The following PTDSS1 variants were observed in gnomAD, a reference collection of about 807,000 sequenced individuals.
PTDSS1 encodes the protein phosphatidylserine synthase 1.
A neutral mutation model predicts 70.5 loss-of-function variants in PTDSS1; 45 were observed. That is an observed-to-expected ratio of 0.64 (90% CI 0.50 to 0.82). The LOEUF is 0.82. Ranked by LOEUF, PTDSS1 falls within the 40% of genes least tolerant of loss-of-function variation. The pLI is 0.00. For synonymous variants in PTDSS1, 188 were observed against 203.8 expected (o/e 0.92, Z 0.66); for missense variants, 417 against 586.1 (o/e 0.71, Z 2.98).
Position 96,304,047 on chromosome 8 carries a change from C to T in PTDSS1, c.760C>T (p.His254Tyr), listed in dbSNP as rs763273749. The change falls in exon 7 of 13, where the codon CAT becomes TAT. Residue 254 changes from histidine to tyrosine, a missense_variant. By Grantham distance (83) the His-to-Tyr change is moderately conservative. Around this residue, in one of 3 missense-constraint regions of PTDSS1, gnomAD observed 272 missense variants for 429.5 expected, o/e 0.63. Coordinates refer to ENST00000517309, the MANE Select transcript of PTDSS1 (RefSeq NM_014754.3). ...TYHWASFKDI[H>Y]TTTGKIKRAV... Reference sequence around the variant, plus strand: ...GCCATTCTCTTCTTACAGGGACATTCATACCACCACCGGGAAGATCAAGAG... The same window carrying T: ...GCCATTCTCTTCTTACAGGGACATTTATACCACCACCGGGAAGATCAAGAG... 8 of 1,608,374 alleles carry T rather than the reference C, an allele frequency of 5.0e-6. No individual in the cohort carries two copies. Among genetic ancestry groups the T allele is most frequent in the Admixed American group, 1.7e-5 (1 of 58,308 alleles).
chr8:96,326,908 G>A (rs534383197), intron 10 of PTDSS1, among the ~76,000 whole-genome samples: 2 of 152,188 alleles, frequency 1.3e-5, no homozygotes, highest in Non-Finnish European at 2.9e-5. Context: ...GTTGTTTAAG[G>A]AATGTGCTCA....
At chr8:96,307,735 A>G (rs1811146303) in intron 8 of PTDSS1, among the ~76,000 whole-genome samples, 1 of 152,178 alleles carries the variant, frequency 6.6e-6, no homozygotes, top group Non-Finnish European at 1.5e-5. Flanking sequence ...GGAAAGATTT[A>G]CCGCAGCTCT....
chr8:96,309,432 A>G, intron 8 of PTDSS1, 125 bp from the exon 9 acceptor site: 1 of 767,884 alleles, frequency 1.3e-6, no homozygotes, highest in Non-Finnish European at 2.2e-6. Flanking sequence ...CTTGAACAGA[A>G]CTAGACCAGG....
At position 96,288,157 on chromosome 8, in the gene PTDSS1, A is replaced by G. The variant is rs181222258; in HGVS notation, c.441+1011A>G. ...AGGACATGATAAAGGATACAGGTGA[A>G]TGGCCAGATGGAGAGGTACCTAGGG... is the stretch of plus-strand genomic sequence containing the variant. On this transcript the variant is annotated intron_variant, in intron 4 of 12. Coordinates refer to ENST00000517309, the MANE Select transcript of PTDSS1 (RefSeq NM_014754.3). Among the ~76,000 whole-genome samples, 5 of 152,148 alleles carry G rather than the reference A, an allele frequency of 3.3e-5. No individual in the cohort carries two copies. The East Asian group carries it at 7.7e-4, about 24-fold the overall frequency.
In PTDSS1 at chr8:96,291,693, C is replaced by T. The variant is rs1810907089; in HGVS notation, c.442-3405C>T. Reference sequence around the variant, plus strand: ...ACATTGCTTATTCTATAGGGTTTTTCACATCTGGATTTTGCAGCTGCATTT... The same window carrying T: ...ACATTGCTTATTCTATAGGGTTTTTTACATCTGGATTTTGCAGCTGCATTT... On this transcript the variant is annotated intron_variant, in intron 4 of 12. Transcript: ENST00000517309. Among the ~76,000 whole-genome samples the T allele has an allele frequency of 2.6e-5, 4 of 152,238 alleles. No homozygotes were observed. In the South Asian group the frequency reaches 8.3e-4, roughly 32 times the overall value.
chr8:96,330,125 G>C lies in PTDSS1; in HGVS notation c.1174-88G>C, dbSNP rs1274043300. On this transcript the variant is annotated intron_variant, in intron 10 of 12. Coordinates refer to ENST00000517309, the MANE Select transcript of PTDSS1 (RefSeq NM_014754.3). ...GGCGTCCAGACGGCAGAAATGCATT[G>C]AACGGTCCTGCATTGATTCCCACTG... The C allele has an allele frequency of 2.6e-5, 33 of 1,272,008 alleles. No individual in the cohort carries two copies. In the East Asian group the frequency reaches 7.2e-4, roughly 28 times the overall value. The allele number at this position is 1,272,008 out of a possible 1,614,324, so 78.8% of individuals were successfully genotyped here.
At chr8:96,309,363 C>T in intron 8 of PTDSS1, 194 bp from the exon 9 acceptor site, 1 of 490,562 alleles carries the variant, frequency 2.0e-6, no homozygotes. Context: ...TGCCTCCAGC[C>T]TAACCCAAAC....
intron 4 of PTDSS1, among the ~76,000 whole-genome samples, chr8:96,290,081 GGGGAGGAGAT>G (rs1810881021): frequency 6.6e-6 from 1 of 152,134 alleles, no homozygotes; most frequent in East Asian, 1.9e-4. Context: ...CCATTTTACA[GGGGAGGAGAT>G]GGAAGCTTAA....
chr8:96,332,099 T>C (rs1343941402), intron 12 of PTDSS1, among the ~76,000 whole-genome samples: 1 of 149,188 alleles, frequency 6.7e-6, no homozygotes, highest in Non-Finnish European at 1.5e-5. Context: ...ATCATTTTAA[T>C]GGCATTTATT....
At chr8:96,271,668 T>C (rs1469462507) in intron 1 of PTDSS1, among the ~76,000 whole-genome samples, 1 of 152,222 alleles carries the variant, frequency 6.6e-6, no homozygotes, top group African/African-American at 2.4e-5. Context: ...ACCAGCAATG[T>C]ATGAGCATGC....
chr8:96,335,286 A>G lies in PTDSS1; in HGVS notation c.*1720A>G, dbSNP rs1286334556. 6.6e-6 allele frequency: 1 copy of G among 152,238 alleles called. No individual in the cohort carries two copies. The highest frequency in any genetic ancestry group is 6.5e-5 in the Admixed American group (1 of 15,294). The allele number at this position is 152,238 out of a possible 1,614,324, so 9.4% of individuals were successfully genotyped here. A position where few individuals can be genotyped will look rare whatever the true frequency, so the allele number is the denominator to read the frequency against. ...TTTTAAACACAGGTACAATTTAAACATGATCTTTCTTTGCAAATAAATATG... is the reference window on the plus strand; with the variant it reads ...TTTTAAACACAGGTACAATTTAAACGTGATCTTTCTTTGCAAATAAATATG... On this transcript the variant is annotated 3_prime_UTR_variant, in exon 13 of 13. Transcript: ENST00000517309.
intron 8 of PTDSS1, among the ~76,000 whole-genome samples, 177 bp downstream of exon 8, chr8:96,306,733 C>A (rs893996693): frequency 1.3e-5 from 2 of 152,158 alleles, no homozygotes; most frequent in Non-Finnish European, 2.9e-5. Context: ...TAACATTAAC[C>A]AGACATTTAA....
At chr8:96,287,463 C>T (rs1207612484) in intron 4 of PTDSS1, 2 of 278,668 alleles carry the variant, frequency 7.2e-6, no homozygotes, top group Non-Finnish European at 1.3e-5. Flanking sequence ...CAGATTATTC[C>T]ATTTTTTTGT....
rs1470707983 is a variant in PTDSS1, at chr8:96,335,970, G to A, written c.*2404G>A. On this transcript the variant is annotated 3_prime_UTR_variant, in exon 13 of 13. Coordinates refer to ENST00000517309, the MANE Select transcript of PTDSS1 (RefSeq NM_014754.3). ...TTTTGGACCTAAAGCTTGAAGAACG[G>A]TTTATGTATTTTTCTCCTTAAGTAG... 1.3e-5 allele frequency: 2 copies of A among 152,152 alleles called. No individual in the cohort carries two copies. The highest frequency in any genetic ancestry group is 2.4e-5 in the African/African-American group (1 of 41,440). The allele number at this position is 152,152 out of a possible 1,614,324, so 9.4% of individuals were successfully genotyped here. A position where few individuals can be genotyped will look rare whatever the true frequency, so the allele number is the denominator to read the frequency against.
At position 96,287,136 on chromosome 8, in the gene PTDSS1, C is replaced by T. The variant is rs766465340; in HGVS notation, c.431C>T (p.Ala144Val). 6.2e-7 allele frequency: 1 copy of T among 1,614,132 alleles called. No individual in the cohort carries two copies. The highest frequency in any genetic ancestry group is 8.5e-7 in the Non-Finnish European group (1 of 1,179,998). ...DPNLRYATRE[A>V]DVMEYAVNCH... ...AATCTTCGATACGCCACAAGGGAAG[C>T]AGATGTCATGGTATGTACTTGTCAG... The change falls in exon 4 of 13, where the codon GCA becomes GTA. Residue 144 changes from alanine to valine, a missense_variant. By Grantham distance (64) the Ala-to-Val change is moderately conservative. This residue lies in a region of PTDSS1 where 272 missense variants were observed against 429.5 expected (regional missense o/e 0.63). Coordinates refer to ENST00000517309, the MANE Select transcript of PTDSS1 (RefSeq NM_014754.3).
intron 9 of PTDSS1, 111 bp downstream of exon 9, chr8:96,309,733 A>G (rs1811180179): frequency 1.1e-6 from 1 of 899,932 alleles, no homozygotes; most frequent in Non-Finnish European, 1.8e-6. Context: ...CTATGAAGAC[A>G]GGTGGACTAG....
intron 5 of PTDSS1, among the ~76,000 whole-genome samples, chr8:96,296,136 T>C (rs74529180): frequency 7.4e-6 from 1 of 134,712 alleles, no homozygotes; most frequent in Non-Finnish European, 1.6e-5. Context: ...GGTGTTCTTT[T>C]TTTTTTTTTT....
intron 9 of PTDSS1, among the ~76,000 whole-genome samples, chr8:96,313,115 C>A (rs1252520053): frequency 6.6e-6 from 1 of 152,168 alleles, no homozygotes; most frequent in Non-Finnish European, 1.5e-5. Context: ...TCTTTCCCAG[C>A]ACTCCACCCT....
chr8:96,308,549 C>T (rs1416011210), intron 8 of PTDSS1, among the ~76,000 whole-genome samples: 1 of 152,100 alleles, frequency 6.6e-6, no homozygotes, highest in Non-Finnish European at 1.5e-5. Context: ...GGGGTACTTA[C>T]AAGACTCCAA....
Sources: gnomAD v4.1 joint callset for allele counts (sites outside exome capture counted in the v4.1 genomes callset) on GRCh38, gnomAD v4.1.1 for gene constraint, gnomAD v4.1.1 regional missense constraint, MANE v1.5 for transcripts, NCBI Gene and HGNC (gene_info 2026-07-23, HGNC 2026-07-21) for gene names.